DDX3X: variants seen among roughly 807,000 people sequenced by gnomAD.
DDX3X encodes the protein DEAD-box helicase 3 X-linked, also known as ATP-dependent RNA helicase DDX3X.
A neutral mutation model predicts 52.7 loss-of-function variants in DDX3X; 4 were observed. The observed-to-expected ratio is 0.08, with a 90% CI of 0.04 to 0.17. DDX3X has a LOEUF of 0.17. Among genes scored for constraint, DDX3X ranks in the 10% least tolerant of loss-of-function variants. The pLI is 1.00. For missense variants in DDX3X, 222 were observed against 548.6 expected (o/e 0.40, Z 5.95); for synonymous variants, 192 against 178.1 (o/e 1.08, Z -0.62).
Position 41,346,500 on chromosome X carries a change from T to C in DDX3X, c.1498-5T>C, listed in dbSNP as rs1367894531. 1 of 1,203,558 alleles carries C rather than the reference T, an allele frequency of 8.3e-7. No individual in the cohort carries two copies. Among genetic ancestry groups the C allele is most frequent in the Admixed American group, 2.2e-5 (1 of 44,621 alleles). ...GGGCCATATCTCATAAAAGTTATTTTCCAGGTAGCAGCAAGAGGACTGGAC... is the reference window on the plus strand; with the variant it reads ...GGGCCATATCTCATAAAAGTTATTTCCCAGGTAGCAGCAAGAGGACTGGAC... On this transcript the variant is annotated splice_polypyrimidine_tract_variant and splice_region_variant and intron_variant, in intron 13 of 16. Coordinates refer to ENST00000644876, the MANE Select transcript of DDX3X (RefSeq NM_001356.5).
At chrX:41,351,501 G>T (rs1301730034), downstream of DDX3X, 2 of 111,209 alleles carry the variant, frequency 1.8e-5, no homozygotes, top group Non-Finnish European at 3.8e-5. Flanking sequence ...GTGGCCACAG[G>T]CTTGCTCTTT....
chrX:41,335,061 G>A (rs1339740909), intron 1 of DDX3X: 1 of 106,705 alleles, frequency 9.4e-6, no homozygotes, highest in Non-Finnish European at 1.9e-5. Context: ...GATTGGGGAG[G>A]AGTGGGGGAG....
At chrX:41,362,354 G>T (rs1328631771) in intron 5 of DDX3X, among the ~76,000 whole-genome samples, 2 of 111,025 alleles carry the variant, frequency 1.8e-5, no homozygotes, top group Non-Finnish European at 3.8e-5. Context: ...CCCTCAAAGT[G>T]CTGGGATTAC....
intron 15 of DDX3X, 132 bp from the exon 16 acceptor site, chrX:41,347,178 ACT>A (rs2063936954): frequency 2.1e-6 from 2 of 934,329 alleles, no homozygotes; most frequent in Admixed American, 2.9e-5. Context: ...AATGGGTGAC[ACT>A]CTGTTGGGGA....
chrX:41,356,626 T>TTTTTA (rs1344685104), intron 5 of DDX3X, among the ~76,000 whole-genome samples: 2 of 108,188 alleles, frequency 1.8e-5, no homozygotes, highest in Admixed American at 1.0e-4. Context: ...ACCTGGCTAA[T>TTTTTA]TTTTATTTTA....
downstream of DDX3X, among the ~76,000 whole-genome samples, chrX:41,352,852 C>A (rs976269508): frequency 9.0e-6 from 1 of 111,563 alleles, no homozygotes; most frequent in Non-Finnish European, 1.9e-5. Flanking sequence ...GTCCACTGTT[C>A]ACTCCCCTTC....
upstream of DDX3X, chrX:41,334,122 C>T: frequency 1.6e-6 from 1 of 612,022 alleles, no homozygotes; most frequent in Non-Finnish European, 2.6e-6. Flanking sequence ...AGCCGGCTTT[C>T]CAGCGGGTAT....
In DDX3X at chrX:41,339,018, A is replaced by G. The variant is rs756363290; in HGVS notation, c.104-18A>G. On this transcript the variant is annotated intron_variant, in intron 2 of 16. Transcript: ENST00000644876. ...TTTTGGCATTTAATTAATTTTATAT[A>G]TATATATATTTTTTTAGAAGGGCGC... 30 of 794,087 alleles carry G rather than the reference A, an allele frequency of 3.8e-5. No individual in the cohort carries two copies. The highest frequency in any genetic ancestry group is 4.5e-5 in the South Asian group (1 of 22,456). The allele number at this position is 794,087 out of a possible 1,213,427, so 65.4% of individuals were successfully genotyped here. A position where few individuals can be genotyped will look rare whatever the true frequency, so the allele number is the denominator to read the frequency against.
chrX:41,336,222 CTTTT>C (rs984426058), intron 1 of DDX3X: 7 of 111,963 alleles, frequency 6.3e-5, no homozygotes, highest in African/African-American at 2.3e-4. Flanking sequence ...TCTTTTGTGG[CTTTT>C]TTGAGAAAAA....
At chrX:41,352,754 A>G (rs1183252633), downstream of DDX3X, among the ~76,000 whole-genome samples, 2 of 111,369 alleles carry the variant, frequency 1.8e-5, no homozygotes, top group Non-Finnish European at 3.8e-5. Context: ...GTTCTCTCAG[A>G]AATCTGTGGT....
intron 3 of DDX3X, chrX:41,339,811 T>A (rs1254722864): frequency 9.0e-6 from 1 of 111,115 alleles, no homozygotes; most frequent in Non-Finnish European, 1.9e-5. Context: ...GGTTTGCTGC[T>A]GTTCCTCCAT....
At chrX:41,344,425 T>G (rs375402736) in intron 10 of DDX3X, 26 bp downstream of exon 10, 82 of 1,190,706 alleles carry the variant, frequency 6.9e-5, no homozygotes, top group Non-Finnish European at 1.6e-5. Context: ...TTTTTGTTTT[T>G]TTGTTTTGTT....
intron 5 of DDX3X, among the ~76,000 whole-genome samples, chrX:41,359,649 A>G (rs1398078913): frequency 9.4e-6 from 1 of 106,334 alleles, no homozygotes; most frequent in East Asian, 2.9e-4. Flanking sequence ...GATAAGGTAT[A>G]AGTATATCAA....
intron 12 of DDX3X, 78 bp downstream of exon 12, chrX:41,345,626 A>G: frequency 1.1e-6 from 1 of 884,995 alleles, no homozygotes; most frequent in South Asian, 2.4e-5. Flanking sequence ...GGGGTTATTC[A>G]CAGGTGTGAT....
rs2063956275 is a variant in DDX3X, at chrX:41,348,665, A to G, written c.*946A>G. 8.9e-6 allele frequency: 1 copy of G among 112,398 alleles called. No individual in the cohort carries two copies. The highest frequency in any genetic ancestry group is 3.2e-5 in the African/African-American group (1 of 30,870). The allele number at this position is 112,398 out of a possible 1,213,427, so 9.3% of individuals were successfully genotyped here. On this transcript the variant is annotated 3_prime_UTR_variant, in exon 17 of 17. Coordinates refer to ENST00000644876, the MANE Select transcript of DDX3X (RefSeq NM_001356.5). The stretch of plus-strand genomic sequence containing the variant: ...ACCACAGCAATGACCAGCCCTCATT[A>G]GGGCCCTGGATGATTTTTGGTCTAA...
intron 3 of DDX3X, chrX:41,340,216 T>C (rs1216976948): frequency 8.9e-6 from 1 of 112,350 alleles, no homozygotes; most frequent in Non-Finnish European, 1.9e-5. Flanking sequence ...GCTGGCATTA[T>C]ATTCTTTTTA....
intron 10 of DDX3X, among the ~76,000 whole-genome samples, 172 bp from the exon 11 acceptor site, chrX:41,345,008 A>T (rs962012268): frequency 8.9e-6 from 1 of 112,099 alleles, no homozygotes; most frequent in African/African-American, 3.2e-5. Context: ...TAGTGGCAAG[A>T]ATCCTGTGCT....
chrX:41,344,410 TTTTG>T lies in DDX3X; in HGVS notation c.1025+15_1025+18del, dbSNP rs2063894165. Reference sequence around the variant, plus strand: ...ATTAGACTTTTGCAAGTATGTTTTATTTTGTTTTTGTTTTTTTGTTTTGTTTTGT... The same window carrying T: ...ATTAGACTTTTGCAAGTATGTTTTATTTTTTGTTTTTTTGTTTTGTTTTGT... On this transcript the variant is annotated intron_variant, in intron 10 of 16. Coordinates refer to ENST00000644876, the MANE Select transcript of DDX3X (RefSeq NM_001356.5). The T allele has an allele frequency of 4.1e-6, 5 of 1,207,502 alleles. No homozygotes were observed. The highest frequency in any genetic ancestry group is 1.8e-5 in the South Asian group (1 of 56,810).
At chrX:41,355,873 TG>T in intron 5 of DDX3X, among the ~76,000 whole-genome samples, 1 of 110,602 alleles carries the variant, frequency 9.0e-6, no homozygotes, top group Non-Finnish European at 1.9e-5. Context: ...CTGGTGATGT[TG>T]AACATCTTTT....
Sources: allele counts gnomAD v4.1 joint callset (sites outside exome capture counted in the v4.1 genomes callset), GRCh38; gene constraint gnomAD v4.1.1; transcripts MANE v1.5; gene names NCBI Gene and HGNC (gene_info 2026-07-23, HGNC 2026-07-21).